Variants in FLT4 observed in about 807,000 individuals in gnomAD.
FLT4 encodes the protein fms related receptor tyrosine kinase 4.
In FLT4, 30 loss-of-function variants were observed where a neutral mutation model predicts 163.2. The ratio of observed to expected loss-of-function variants is 0.18; its 90% CI spans 0.14 to 0.25. The LOEUF (loss-of-function observed/expected upper bound fraction) is 0.25, where lower values mean the gene tolerates loss of function less well. Among genes scored for constraint, FLT4 ranks in the 10% least tolerant of loss-of-function variants. FLT4 has a pLI of 1.00. For missense variants in FLT4, 1,510 were observed against 1,863.8 expected (o/e 0.81, Z 3.50); for synonymous variants, 884 against 789.5 (o/e 1.12, Z -2.01).
chr5:180,612,807 C>A (rs76899361), intron 25 of FLT4, among the ~76,000 whole-genome samples, 196 bp from the exon 26 acceptor site: 1 of 152,244 alleles, frequency 6.6e-6, no homozygotes, highest in East Asian at 1.9e-4. Context: ...CCTGAACACT[C>A]GGCTCTGTTC....
intron 12 of FLT4, among the ~76,000 whole-genome samples, 166 bp downstream of exon 12, chr5:180,622,564 AC>A (rs1215619864): frequency 6.6e-6 from 1 of 152,044 alleles, no homozygotes; most frequent in Non-Finnish European, 1.5e-5. Context: ...GTGCGCCAGC[AC>A]CCAGGCCCTA....
chr5:180,601,544 T>TATC lies in FLT4; in HGVS notation c.*1645_*1647dup, dbSNP rs1176492437. ...CAAAGACCGGCATCAGATTTATTAT[T>TATC]ATCTCTTGTTAAATATTTTCGATCT... On this transcript the variant is annotated 3_prime_UTR_variant, in exon 30 of 30. Transcript: ENST00000261937. 37 of 233,232 alleles carry TATC rather than the reference T, an allele frequency of 1.6e-4. No homozygotes were observed. Among genetic ancestry groups the TATC allele is most frequent in the African/African-American group, 7.5e-4 (34 of 45,448 alleles). 14.4% of individuals were successfully genotyped at this position (233,232 alleles called of 1,614,324 possible).
intron 11 of FLT4, 91 bp from the exon 12 acceptor site, chr5:180,622,930 C>CG (rs1052187356): frequency 2.0e-5 from 16 of 791,812 alleles, no homozygotes; most frequent in Admixed American, 6.0e-5. Flanking sequence ...TGTGCACCAC[C>CG]CCCCCCAATC....
Position 180,616,951 on chromosome 5 carries a change from G to A in FLT4, c.3045C>T (p.Val1015=). Residue 1015 remains valine, a synonymous_variant, in exon 22 of 30, where the codon GTC becomes GTT. Transcript: ENST00000261937. Reference sequence around the variant, plus strand: ...CTCTGGCCACCTGGAAGCTGTAGCAGACAAGATCTTCCATGGTCAGCGGGC... The same window carrying A: ...CTCTGGCCACCTGGAAGCTGTAGCAAACAAGATCTTCCATGGTCAGCGGGC... ...WLSPLTMEDL[V]CYSFQVARGM... is the part of the protein sequence containing the mutation. The A allele has an allele frequency of 6.2e-7, 1 of 1,613,420 alleles. No homozygotes were observed. Among genetic ancestry groups the A allele is most frequent in the Non-Finnish European group, 8.5e-7 (1 of 1,179,958 alleles).
Position 180,603,338 on chromosome 5 carries a change from G to C in FLT4, c.3946C>G (p.Gln1316Glu). 6.2e-7 allele frequency: 1 copy of C among 1,614,062 alleles called. No homozygotes were observed. The highest frequency in any genetic ancestry group is 8.5e-7 in the Non-Finnish European group (1 of 1,179,982). ...CGCTCAGGCCGCCGCCGCCTCCCTT[G>C]GGAGTCAGGGTGTGCCCTGGTCACA... is the stretch of plus-strand genomic sequence containing the variant. The part of the protein sequence containing the change: ...VAVTRAHPDS[Q>E]GRRRRPERGA... The change falls in exon 30 of 30, where the codon CAA (glutamine) becomes GAA (glutamate). Residue 1316 changes from glutamine to glutamate, a missense_variant. Physicochemically the swap from Gln to Glu is conservative, Grantham distance 29. Coordinates refer to ENST00000261937, the MANE Select transcript of FLT4 (RefSeq NM_182925.5).
chr5:180,642,649 G>A (rs886893480), intron 1 of FLT4, among the ~76,000 whole-genome samples: 1 of 152,158 alleles, frequency 6.6e-6, no homozygotes, highest in Non-Finnish European at 1.5e-5. Context: ...AGTCCTGGAG[G>A]ACCCCAGACC....
At chr5:180,621,397 G>C in intron 13 of FLT4, 145 bp from the exon 14 acceptor site, 1 of 1,420,194 alleles carries the variant, frequency 7.0e-7, no homozygotes, top group Non-Finnish European at 9.5e-7. Context: ...CGCCTCCGCA[G>C]GGGGCGGCGG....
At chr5:180,604,015 T>A (rs1469750853) in intron 29 of FLT4, among the ~76,000 whole-genome samples, 2 of 151,294 alleles carry the variant, frequency 1.3e-5, no homozygotes, top group South Asian at 2.1e-4. Flanking sequence ...AAAAACAAAC[T>A]AACAAAAAAC....
intron 27 of FLT4, among the ~76,000 whole-genome samples, chr5:180,610,228 C>T (rs1762066541): frequency 1.3e-5 from 2 of 152,354 alleles, no homozygotes; most frequent in South Asian, 2.1e-4. Flanking sequence ...CCAGCAGCAC[C>T]CTGGGCTGTG....
intron 23 of FLT4, among the ~76,000 whole-genome samples, chr5:180,615,444 CCGCCGG>C (rs1762594106): frequency 2.2e-5 from 3 of 136,770 alleles, no homozygotes; most frequent in Non-Finnish European, 3.2e-5. Context: ...AGCACTGGGC[CCGCCGG>C]TCACCTCCCT....
rs969030416 is a variant in FLT4, at chr5:180,602,301, G to A, written c.*891C>T. 4 of 267,050 alleles carry A rather than the reference G, an allele frequency of 1.5e-5. No individual in the cohort carries two copies. The highest frequency in any genetic ancestry group is 1.7e-4 in the South Asian group (1 of 5,816). 16.5% of individuals were successfully genotyped at this position (267,050 alleles called of 1,614,324 possible). ...GGGCTCTAAAGGGAAGAACCAGACC[G>A]GCAGCTCCAGACCCAGGCTCCTCGG... On this transcript the variant is annotated 3_prime_UTR_variant, in exon 30 of 30. Coordinates refer to ENST00000261937, the MANE Select transcript of FLT4 (RefSeq NM_182925.5).
In FLT4 at chr5:180,630,242, T is replaced by G; in HGVS notation, c.496A>C (p.Asn166His). 3.7e-6 allele frequency: 6 copies of G among 1,612,152 alleles called. No individual in the cohort carries two copies. Among genetic ancestry groups the G allele is most frequent in the Non-Finnish European group, 5.1e-6 (6 of 1,179,606 alleles). The change falls in exon 4 of 30, where the codon AAT becomes CAT. Residue 166 changes from asparagine to histidine, a missense_variant. This residue lies in a region of FLT4 where 163 missense variants were observed against 281.1 expected (regional missense o/e 0.58). Transcript: ENST00000261937. This position sits in a 1 kb window ranked among gnomAD's most constrained non-coding sequence, Gnocchi z 6.3. Reference sequence around the variant, plus strand: ...GGCCGTACCGAGCGCAGCGTGACATTGAGGCCGGGGATGGACACCAGACAG... The same window carrying G: ...GGCCGTACCGAGCGCAGCGTGACATGGAGGCCGGGGATGGACACCAGACAG... ...VPCLVSIPGL[N>H]VTLRSQSSVL...
intron 26 of FLT4, among the ~76,000 whole-genome samples, chr5:180,612,090 G>A (rs959996944): frequency 6.6e-6 from 1 of 152,228 alleles, no homozygotes; most frequent in African/African-American, 2.4e-5. Flanking sequence ...CACCCTGGAG[G>A]AGCACCACGT....
In FLT4 at chr5:180,636,497, C is replaced by T. The variant is rs1194886188; in HGVS notation, c.59-4719G>A. ...TCCCCATTAAAGCTGTCATCAGCTG[C>T]ACCCCCCCGTCACTTCCCCTCATTC... On this transcript the variant is annotated intron_variant, in intron 1 of 29. Transcript: ENST00000261937. This position sits in a 1 kb window ranked among gnomAD's most constrained non-coding sequence, Gnocchi z 4.3. Among the ~76,000 whole-genome samples, 1 of 149,616 alleles carries T rather than the reference C, an allele frequency of 6.7e-6. No homozygotes were observed. The highest frequency in any genetic ancestry group is 2.4e-5 in the African/African-American group (1 of 40,898).
rs1486545792 is a variant in FLT4 at position 180,620,756 on chromosome 5, G to T, written c.2300-41C>A. ...GGGGCCGGCGTGTGTGTGTGTGTGT[G>T]TAAGAGCGTGCACCTGCAGGCAGCA... On this transcript the variant is annotated intron_variant, in intron 15 of 29. Coordinates refer to ENST00000261937, the MANE Select transcript of FLT4 (RefSeq NM_182925.5). This position sits in a 1 kb window ranked among gnomAD's most constrained non-coding sequence, Gnocchi z 4.4. 2.5e-6 allele frequency: 4 copies of T among 1,577,534 alleles called. No individual in the cohort carries two copies. Among genetic ancestry groups the T allele is most frequent in the Non-Finnish European group, 2.6e-6 (3 of 1,149,006 alleles).
rs945874002 is a variant in FLT4 at position 180,619,531 on chromosome 5, A to C, written c.2647+134T>G. On this transcript the variant is annotated intron_variant, in intron 18 of 29. Transcript: ENST00000261937. Reference sequence around the variant, plus strand: ...GTGGTCCCTCGGCTCTGAAGCCCGCAGCCTCCCTGTAGAATCTCGGATGAG... The same window carrying C: ...GTGGTCCCTCGGCTCTGAAGCCCGCCGCCTCCCTGTAGAATCTCGGATGAG... 3.0e-6 allele frequency: 3 copies of C among 984,620 alleles called. No individual in the cohort carries two copies. In the African/African-American group the frequency reaches 4.8e-5, roughly 16 times the overall value. 61.0% of individuals were successfully genotyped at this position (984,620 alleles called of 1,614,324 possible).
chr5:180,631,615 A>G, intron 2 of FLT4, 67 bp downstream of exon 2: 1 of 1,319,564 alleles, frequency 7.6e-7, no homozygotes, highest in Non-Finnish European at 1.1e-6. Context: ...CTGGGCCCAC[A>G]GCCACCACCT....
At chr5:180,603,580 T>C (rs951110049) in intron 29 of FLT4, among the ~76,000 whole-genome samples, 190 bp from the exon 30 acceptor site, 21 of 152,116 alleles carry the variant, frequency 1.4e-4, no homozygotes, top group African/African-American at 4.8e-4. Context: ...GGCATGGTGG[T>C]GCACGCCTGC....
intron 1 of FLT4, among the ~76,000 whole-genome samples, chr5:180,643,187 G>A (rs774128308): frequency 2.0e-5 from 3 of 152,250 alleles, no homozygotes; most frequent in Non-Finnish European, 4.4e-5. Flanking sequence ...TGGCTGTCCA[G>A]GTGATGCTCA....
Sources: allele counts gnomAD v4.1 joint callset (sites outside exome capture counted in the v4.1 genomes callset), GRCh38; gene constraint gnomAD v4.1.1; regional missense constraint gnomAD v4.1.1; non-coding constraint Gnocchi (gnomAD v3.1); transcripts MANE v1.5; gene names NCBI Gene and HGNC (gene_info 2026-07-23, HGNC 2026-07-21).